ASIC2: variants seen among roughly 807,000 people sequenced by gnomAD.
ASIC2 encodes the protein acid-sensing ion channel 2.
ASIC2 carries 25 observed loss-of-function variants against 57.3 expected under a neutral mutation model. That is an observed-to-expected ratio of 0.44 (90% CI 0.32 to 0.61). ASIC2 has a LOEUF of 0.61. ASIC2 is among the 20% of genes least tolerant of loss of function. The probability of loss-of-function intolerance (pLI) is 0.06; values close to 1 mark genes in which losing one functional copy is unlikely to be tolerated. For synonymous variants in ASIC2, 319 were observed against 307.5 expected, an observed-to-expected ratio of 1.04 and a Z score of -0.39; for missense variants, 641 against 738.1, an observed-to-expected ratio of 0.87 and a Z score of 1.52.
At chr17:33,030,675 A>G (rs1026641723) in intron 3 of ASIC2, among the ~76,000 whole-genome samples, 20 of 152,160 alleles carry the variant, frequency 1.3e-4, no homozygotes, top group Admixed American at 9.8e-4. Flanking sequence ...TGTCACATTG[A>G]GAAAGTTCTG....
intron 3 of ASIC2, among the ~76,000 whole-genome samples, chr17:33,082,078 G>A (rs1046872270): frequency 6.6e-6 from 1 of 152,108 alleles, no homozygotes; most frequent in Admixed American, 6.5e-5. Flanking sequence ...ATTCCTGATG[G>A]TTTCCAGCTG....
intron 1 of ASIC2, among the ~76,000 whole-genome samples, chr17:33,284,269 C>T (rs532344741): frequency 1.3e-5 from 2 of 152,246 alleles, no homozygotes; most frequent in East Asian, 3.9e-4. Context: ...AGCACAGGCC[C>T]GAGCTGGAAC....
chr17:34,042,694 A>T (rs1908185421), intron 1 of ASIC2, among the ~76,000 whole-genome samples: 1 of 152,188 alleles, frequency 6.6e-6, no homozygotes, highest in African/African-American at 2.4e-5. Flanking sequence ...ATAATTTGGG[A>T]TAGCACTTGG....
rs1386655946 is a variant in ASIC2, at chr17:34,095,648, TATATATAATTTTATATATATATAGAG to T, written c.555+60304_555+60329del. ...ATATATAATTTTATATATATATATATATATATAATTTTATATATATATAGAGAGAGAGATATATATAATTTTATATA... is the reference window on the plus strand; with the variant it reads ...ATATATAATTTTATATATATATATATAGAGAGATATATATAATTTTATATA... On this transcript the variant is annotated intron_variant, in intron 1 of 9. Coordinates refer to the ASIC2 transcript ENST00000359872. Among the ~76,000 whole-genome samples the T allele has an allele frequency of 3.8e-3, 317 of 83,106 alleles. 2 individuals are homozygous for T. In the South Asian group the frequency reaches 0.047, roughly 12 times the overall value. The allele number at this position is 83,106 out of a possible 152,430, so 54.5% of individuals were successfully genotyped here.
intron 1 of ASIC2, among the ~76,000 whole-genome samples, chr17:33,942,966 T>C (rs1038843712): frequency 6.6e-6 from 1 of 152,200 alleles, no homozygotes; most frequent in African/African-American, 2.4e-5. Context: ...GGATGTTAAC[T>C]TTGCAAAAGA....
At chr17:34,100,286 G>A (rs1910817186) in intron 1 of ASIC2, among the ~76,000 whole-genome samples, 1 of 151,330 alleles carries the variant, frequency 6.6e-6, no homozygotes, top group Admixed American at 6.6e-5. Context: ...AGGGAGGTGT[G>A]GATAAGCGGC....
chr17:33,179,850 G>A (rs1056777276), intron 1 of ASIC2, among the ~76,000 whole-genome samples: 2 of 152,178 alleles, frequency 1.3e-5, no homozygotes, highest in Non-Finnish European at 2.9e-5. Context: ...ATTTGTAATC[G>A]TTTGTTGACA....
intron 1 of ASIC2, among the ~76,000 whole-genome samples, chr17:33,418,026 GTA>G (rs1273413905): frequency 0.07 from 1,680 of 24,062 alleles, 12 homozygotes; most frequent in East Asian, 0.25. Flanking sequence ...CAGCATGTAT[GTA>G]TGTGTGTGTG....
At chr17:33,263,147 A>G (rs925118628) in intron 1 of ASIC2, among the ~76,000 whole-genome samples, 3 of 152,166 alleles carry the variant, frequency 2.0e-5, no homozygotes, top group Non-Finnish European at 2.9e-5. Flanking sequence ...AGAGCTTAGT[A>G]TTAATTTATT....
chr17:33,376,639 C>G (rs1227288292), intron 1 of ASIC2, among the ~76,000 whole-genome samples: 5 of 152,176 alleles, frequency 3.3e-5, no homozygotes, highest in Non-Finnish European at 5.9e-5. Flanking sequence ...AAAAGAGAAG[C>G]TAAACTACTG....
At chr17:33,087,575 G>GTTTTTTTTTTTTTTTTTTTTTT (rs5820015) in intron 3 of ASIC2, among the ~76,000 whole-genome samples, 1 of 111,038 alleles carries the variant, frequency 9.0e-6, no homozygotes, top group African/African-American at 3.6e-5. Context: ...TACAACCAGT[G>GTTTTTTTTTTTTTTTTTTTTTT]TTTTTTTTTT....
rs369022747 is a variant in ASIC2, at chr17:33,636,607, A to C, written c.555+519371T>G. 7.2e-5 allele frequency among the ~76,000 whole-genome samples: 11 copies of C among 152,312 alleles called. No individual in the cohort carries two copies. In the East Asian group the frequency reaches 1.5e-3, roughly 21 times the overall value. On this transcript the variant is annotated intron_variant, in intron 1 of 9. Transcript: ENST00000359872. Reference sequence around the variant, plus strand: ...TTCTAAGAGTCCATATTTATGGGGCACATGTCTCTGGGCTGCTTTCCGCAG... The same window carrying C: ...TTCTAAGAGTCCATATTTATGGGGCCCATGTCTCTGGGCTGCTTTCCGCAG...
At chr17:33,219,388 G>A (rs1032387219) in intron 1 of ASIC2, among the ~76,000 whole-genome samples, 7 of 152,148 alleles carry the variant, frequency 4.6e-5, no homozygotes, top group Admixed American at 1.3e-4. Flanking sequence ...ATGCCTATGA[G>A]GTAATAAATA....
At chr17:33,277,198 G>T (rs898045636) in intron 1 of ASIC2, among the ~76,000 whole-genome samples, 3 of 152,198 alleles carry the variant, frequency 2.0e-5, no homozygotes, top group Admixed American at 2.0e-4. Flanking sequence ...TCAATTCCCT[G>T]TGACCAGGTT....
chr17:33,263,996 GCCT>G (rs774420013), intron 1 of ASIC2, among the ~76,000 whole-genome samples: 3 of 152,238 alleles, frequency 2.0e-5, no homozygotes, highest in Non-Finnish European at 2.9e-5. Flanking sequence ...ATCTCAGTCT[GCCT>G]CCTGCCAGCT....
At chr17:33,769,090 G>A (rs773551252) in intron 1 of ASIC2, among the ~76,000 whole-genome samples, 3 of 152,226 alleles carry the variant, frequency 2.0e-5, no homozygotes, top group Non-Finnish European at 4.4e-5. Context: ...CTCACTGAGT[G>A]TGGGTACCCA....
chr17:34,054,544 G>A (rs1908691821), intron 1 of ASIC2, among the ~76,000 whole-genome samples: 1 of 152,128 alleles, frequency 6.6e-6, no homozygotes, highest in Non-Finnish European at 1.5e-5. Context: ...CAGCCTTTCT[G>A]AATAGTCTCC....
intron 1 of ASIC2, among the ~76,000 whole-genome samples, chr17:33,949,935 T>C (rs947066588): frequency 1.3e-5 from 2 of 152,184 alleles, no homozygotes; most frequent in African/African-American, 4.8e-5. Flanking sequence ...TACCTCCAAA[T>C]CAGAGTGTCC....
rs57134389 is a variant in ASIC2, at chr17:34,099,140, G to C, written c.555+56838C>G. Among the ~76,000 whole-genome samples the C allele has an allele frequency of 5.6e-4, 14 of 24,848 alleles. No homozygotes were observed. In the East Asian group the frequency reaches 0.02, roughly 35 times the overall value. The allele number at this position is 24,848 out of a possible 152,430, so 16.3% of individuals were successfully genotyped here. A position where few individuals can be genotyped will look rare whatever the true frequency, so the allele number is the denominator to read the frequency against. On this transcript the variant is annotated intron_variant, in intron 1 of 9. Coordinates refer to the ASIC2 transcript ENST00000359872. Reference sequence around the variant, plus strand: ...AGAGAGAGAGAGAGAGAGAGAGAGAGAGAGACAGAGAGAGAGAGAGAGAGA... The same window carrying C: ...AGAGAGAGAGAGAGAGAGAGAGAGACAGAGACAGAGAGAGAGAGAGAGAGA...
Sources: allele counts gnomAD v4.1 joint callset (sites outside exome capture counted in the v4.1 genomes callset), GRCh38; gene constraint gnomAD v4.1.1; transcripts MANE v1.5; gene names NCBI Gene and HGNC (gene_info 2026-07-23, HGNC 2026-07-21).